Variants in PSD3 observed in about 807,000 individuals in gnomAD.
PSD3 encodes PH and SEC7 domain-containing protein 3.
In PSD3, 49 loss-of-function variants were observed where a neutral mutation model predicts 105.5. The ratio of observed to expected loss-of-function variants is 0.46; its 90% CI spans 0.37 to 0.59. The LOEUF is 0.59. Among genes scored for constraint, PSD3 ranks in the 20% least tolerant of loss-of-function variants. PSD3 has a pLI of 0.00. For missense variants in PSD3, 1,561 were observed against 1,263.8 expected (o/e 1.24, Z -3.57); for synonymous variants, 557 against 457.8 (o/e 1.22, Z -2.77).
At chr8:18,756,471 A>G (rs1444356275) in intron 9 of PSD3, among the ~76,000 whole-genome samples, 3 of 152,192 alleles carry the variant, frequency 2.0e-5, no homozygotes, top group Non-Finnish European at 4.4e-5. Flanking sequence ...TTAAGTATAC[A>G]CTTCTTTGTC....
intron 9 of PSD3, among the ~76,000 whole-genome samples, chr8:18,741,053 C>T (rs1804532297): frequency 6.6e-6 from 1 of 152,072 alleles, no homozygotes; most frequent in Non-Finnish European, 1.5e-5. Flanking sequence ...ATTTTCAGAT[C>T]CTAACATAAA....
chr8:18,573,256 G>C (rs565521131), intron 13 of PSD3, among the ~76,000 whole-genome samples: 1 of 152,172 alleles, frequency 6.6e-6, no homozygotes, highest in Non-Finnish European at 1.5e-5. Context: ...GATCACGTGA[G>C]GTCAGGAGTT....
intron 12 of PSD3, 46 bp from the exon 13 acceptor site, chr8:18,575,331 T>C (rs903197124): frequency 5.4e-5 from 79 of 1,472,070 alleles, no homozygotes; most frequent in Non-Finnish European, 7.1e-5. Context: ...CACGATCAGA[T>C]TTCAACTTAA....
At chr8:18,631,002 C>A (rs909539257) in intron 11 of PSD3, among the ~76,000 whole-genome samples, 1 of 151,934 alleles carries the variant, frequency 6.6e-6, no homozygotes, top group African/African-American at 2.4e-5. Flanking sequence ...TGGAATCAAT[C>A]CCCTACAGAT....
intron 4 of PSD3, among the ~76,000 whole-genome samples, chr8:18,831,956 G>A (rs1813716044): frequency 6.6e-6 from 1 of 151,998 alleles, no homozygotes; most frequent in African/African-American, 2.4e-5. Flanking sequence ...CTTGAGAAAA[G>A]TTGAAACAAT....
chr8:18,955,985 C>T (rs1823547390), intron 1 of PSD3, among the ~76,000 whole-genome samples: 1 of 152,016 alleles, frequency 6.6e-6, no homozygotes, highest in Non-Finnish European at 1.5e-5. Flanking sequence ...CCAGGCTAGT[C>T]TCGAACCCCT....
At chr8:19,005,024 A>C (rs1826606574) in intron 1 of PSD3, among the ~76,000 whole-genome samples, 1 of 152,066 alleles carries the variant, frequency 6.6e-6, no homozygotes, top group Admixed American at 6.6e-5. Context: ...CAGTGTGAAA[A>C]TGGACGAATA....
intron 1 of PSD3, among the ~76,000 whole-genome samples, chr8:19,055,780 C>T (rs539633383): frequency 2.0e-5 from 3 of 152,292 alleles, no homozygotes; most frequent in South Asian, 4.1e-4. Flanking sequence ...TGACCTGTGG[C>T]GACAGAGATT....
At chr8:18,930,861 C>T (rs967349744) in intron 2 of PSD3, among the ~76,000 whole-genome samples, 1 of 152,170 alleles carries the variant, frequency 6.6e-6, no homozygotes, top group African/African-American at 2.4e-5. Flanking sequence ...AGCCACTGCG[C>T]CTGGCCTTCA....
chr8:19,057,112 C>T (rs1360941445), intron 1 of PSD3, among the ~76,000 whole-genome samples: 3 of 152,290 alleles, frequency 2.0e-5, no homozygotes, highest in Non-Finnish European at 2.9e-5. Context: ...CCTGCATCAA[C>T]AGCACATACT....
At chr8:18,865,227 TATATATATATATATATA>T (rs1816740080) in intron 4 of PSD3, 7 of 4,424 alleles carry the variant, frequency 1.6e-3, no homozygotes, top group African/African-American at 2.0e-3. Flanking sequence ...TTCTATGTTA[TATATATATATATATATA>T]TATATATATA....
chr8:18,843,384 G>A (rs929559561), intron 4 of PSD3, among the ~76,000 whole-genome samples: 3 of 151,802 alleles, frequency 2.0e-5, no homozygotes, highest in African/African-American at 7.3e-5. Context: ...GCAGCATGAG[G>A]AATTAGAATC....
At chr8:18,651,872 A>G (rs1354793135) in intron 10 of PSD3, among the ~76,000 whole-genome samples, 1 of 152,226 alleles carries the variant, frequency 6.6e-6, no homozygotes, top group Non-Finnish European at 1.5e-5. Flanking sequence ...AATTATTGGC[A>G]GAACGTGAAG....
chr8:18,853,532 G>C (rs1225736154), intron 4 of PSD3, among the ~76,000 whole-genome samples: 2 of 151,802 alleles, frequency 1.3e-5, no homozygotes, highest in Admixed American at 6.6e-5. Flanking sequence ...AATTCCCTCA[G>C]CTCCAGGGGG....
At chr8:18,803,495 C>G (rs1277672780) in intron 6 of PSD3, among the ~76,000 whole-genome samples, 1 of 151,438 alleles carries the variant, frequency 6.6e-6, no homozygotes, top group Non-Finnish European at 1.5e-5. Context: ...TATTTGTCCA[C>G]TCATGTTCAC....
At chr8:18,935,442 G>A (rs912104025) in intron 2 of PSD3, among the ~76,000 whole-genome samples, 3 of 151,476 alleles carry the variant, frequency 2.0e-5, no homozygotes, top group African/African-American at 7.3e-5. Context: ...TTGTGGGGCC[G>A]AGGCAGGAGG....
At position 18,921,817 on chromosome 8, in the gene PSD3, G is replaced by A. The variant is rs1821041749; in HGVS notation, c.130+14217C>T. Among the ~76,000 whole-genome samples the A allele has an allele frequency of 2.6e-5, 4 of 152,178 alleles. No individual in the cohort carries two copies. The South Asian group carries it at 6.2e-4, about 24-fold the overall frequency. On this transcript the variant is annotated intron_variant, in intron 2 of 15. Transcript: ENST00000327040. Reference sequence around the variant, plus strand: ...TAATATAAATGAGTAAGGCAGGCAAGGTATGAGAACACAGGAGGGAGTGGT... The same window carrying A: ...TAATATAAATGAGTAAGGCAGGCAAAGTATGAGAACACAGGAGGGAGTGGT...
intron 8 of PSD3, among the ~76,000 whole-genome samples, chr8:18,793,141 C>G (rs1426836927): frequency 1.3e-5 from 2 of 152,032 alleles, no homozygotes; most frequent in Non-Finnish European, 2.9e-5. Context: ...CACTTGGACA[C>G]AGGGTGGGGA....
Position 18,776,365 on chromosome 8 carries a change from A to AATATAT in PSD3, c.2083-10833_2083-10828dup, listed in dbSNP as rs199673015. On this transcript the variant is annotated intron_variant, in intron 8 of 15. Transcript: ENST00000327040. ...TATAGTATAAAAATATATATATCTA[A>AATATAT]ATATATGTATATATATAATTTTTTT... Among the ~76,000 whole-genome samples, 5 of 135,806 alleles carry AATATAT rather than the reference A, an allele frequency of 3.7e-5. No homozygotes were observed. In the East Asian group the frequency reaches 1.1e-3, roughly 30 times the overall value. 89.1% of individuals were successfully genotyped at this position (135,806 alleles called of 152,430 possible).
Sources: gnomAD v4.1 joint callset for allele counts (sites outside exome capture counted in the v4.1 genomes callset) on GRCh38, gnomAD v4.1.1 for gene constraint, MANE v1.5 for transcripts, NCBI Gene and HGNC (gene_info 2026-07-23, HGNC 2026-07-21) for gene names.